The following PTPN22 variants were observed in gnomAD, a reference collection of about 807,000 sequenced individuals.
PTPN22 encodes protein tyrosine phosphatase non-receptor type 22.
In PTPN22, 85 loss-of-function variants were observed where a neutral mutation model predicts 103.3. The observed-to-expected ratio is 0.82, with a 90% confidence interval of 0.69 to 0.99. The LOEUF (loss-of-function observed/expected upper bound fraction) is 0.99, where lower values mean the gene tolerates loss of function less well. Ranked by LOEUF, PTPN22 falls within the 50% of genes least tolerant of loss-of-function variation. The pLI is 0.00. For missense variants in PTPN22, 865 were observed against 936.9 expected (o/e 0.92, Z 1.00); for synonymous variants, 323 against 310.2 (o/e 1.04, Z -0.43).
chr1:113,835,907 T>A (rs1444967514), intron 13 of PTPN22, among the ~76,000 whole-genome samples: 1 of 147,830 alleles, frequency 6.8e-6, no homozygotes, highest in Non-Finnish European at 1.5e-5. Context: ...ATTGTTACAA[T>A]CCCTGAAAAT....
rs1665882636 is a variant in PTPN22, at chr1:113,863,979, C to T, written c.88-4519G>A. ...TGTCATCCAGGCTAGAGTGCAGTGG[C>T]GCGATCTCGGCTCACTGCAACTTTG... On this transcript the variant is annotated intron_variant, in intron 1 of 20. Coordinates refer to ENST00000359785, the Ensembl canonical transcript of PTPN22. Among the ~76,000 whole-genome samples the T allele has an allele frequency of 2.0e-5, 3 of 149,490 alleles. No individual in the cohort carries two copies. In the South Asian group the frequency reaches 6.3e-4, roughly 31 times the overall value.
At chr1:113,869,732 CA>C (rs1666423765) in intron 1 of PTPN22, among the ~76,000 whole-genome samples, 1 of 152,102 alleles carries the variant, frequency 6.6e-6, no homozygotes, top group African/African-American at 2.4e-5. Flanking sequence ...CAAAATAAAA[CA>C]GAGGCCGGCA....
chr1:113,856,259 T>C (rs1665058787), intron 7 of PTPN22, 123 bp downstream of exon 7: 1 of 1,314,916 alleles, frequency 7.6e-7, no homozygotes, highest in Non-Finnish European at 1.0e-6. Context: ...TGAAGACTCA[T>C]TCATGACATC....
In PTPN22 at chr1:113,824,661, T is replaced by G. The variant is rs17031895; in HGVS notation, c.2281+481A>C. Among the ~76,000 whole-genome samples, 433 of 152,214 alleles carry G rather than the reference T, an allele frequency of 2.8e-3. 1 individual carries two copies. The highest frequency in any genetic ancestry group is 9.2e-3 in the African/African-American group (383 of 41,544). ...ATCTGAGGTTAGACTGCTGGAAATT[T>G]TAAATAATCCAATTGTATGACAGCA... On this transcript the variant is annotated intron_variant, in intron 19 of 20. Coordinates refer to ENST00000359785, the Ensembl canonical transcript of PTPN22.
intron 1 of PTPN22, among the ~76,000 whole-genome samples, chr1:113,863,401 T>C (rs1054651913): frequency 4.6e-5 from 7 of 152,230 alleles, no homozygotes; most frequent in African/African-American, 1.4e-4. Context: ...CCAAGAAATG[T>C]GTTTTAAGTG....
intron 19 of PTPN22, among the ~76,000 whole-genome samples, chr1:113,824,340 T>C (rs2101894853): frequency 6.6e-6 from 1 of 152,250 alleles, no homozygotes; most frequent in East Asian, 1.9e-4. Context: ...GACCTTGTGA[T>C]CCACCTGCCT....
chr1:113,829,486 T>C, intron 18 of PTPN22, 106 bp downstream of exon 18: 1 of 594,984 alleles, frequency 1.7e-6, no homozygotes, highest in East Asian at 2.9e-5. Context: ...ACAATTAGTT[T>C]TAATAAAGAT....
rs919063869 is a variant in PTPN22, at chr1:113,838,320, T to A, written c.1080A>T (p.Glu360Asp). Reference sequence around the variant, plus strand: ...AAACTAGCTCTTCTTTTGCACTTATTTCAGAAGTCCTAAAGTCAAAGGAAG... The same window carrying A: ...AAACTAGCTCTTCTTTTGCACTTATATCAGAAGTCCTAAAGTCAAAGGAAG... The change falls in exon 13 of 21, where the codon GAA becomes GAT. Residue 360 changes from glutamate (E) to aspartate (D), a missense_variant. Physicochemically the swap from Glu to Asp is conservative, Grantham distance 45 (BLOSUM62 2). This residue lies in a region of PTPN22 where 457 missense variants were observed against 529.1 expected (regional missense o/e 0.86). Coordinates refer to ENST00000359785, the Ensembl canonical transcript of PTPN22. The A allele has an allele frequency of 3.1e-6, 5 of 1,612,082 alleles. No homozygotes were observed. Among genetic ancestry groups the A allele is most frequent in the Non-Finnish European group, 4.2e-6 (5 of 1,179,252 alleles).
At chr1:113,831,359 G>A (rs1662528134) in intron 16 of PTPN22, among the ~76,000 whole-genome samples, 1 of 152,020 alleles carries the variant, frequency 6.6e-6, no homozygotes, top group Non-Finnish European at 1.5e-5. Context: ...TATCACCCTA[G>A]AAGGAAACTC....
chr1:113,833,488 T>C (rs1370652830), intron 15 of PTPN22, among the ~76,000 whole-genome samples: 2 of 152,212 alleles, frequency 1.3e-5, no homozygotes, highest in Non-Finnish European at 2.9e-5. Flanking sequence ...CTGGGAGTTG[T>C]TAAAGTAAAT....
intron 15 of PTPN22, 135 bp downstream of exon 15, chr1:113,834,174 C>T: frequency 1.0e-6 from 1 of 966,804 alleles, no homozygotes; most frequent in Non-Finnish European, 1.5e-6. Flanking sequence ...TCCTTTTTAT[C>T]CCAACATCCT....
intron 11 of PTPN22, among the ~76,000 whole-genome samples, chr1:113,839,616 G>C (rs1403161018): frequency 6.6e-6 from 1 of 151,992 alleles, no homozygotes; most frequent in East Asian, 1.9e-4. Flanking sequence ...TCATTTCAGA[G>C]ATGTTAAAAT....
At chr1:113,817,610 A>T (rs968286052) in intron 20 of PTPN22, among the ~76,000 whole-genome samples, 4 of 151,076 alleles carry the variant, frequency 2.6e-5, no homozygotes, top group African/African-American at 9.7e-5. Flanking sequence ...GCTAGTTCTA[A>T]AAAAAAAACA....
intron 18 of PTPN22, 128 bp downstream of exon 18, chr1:113,829,462 CTG>C (rs1662362151): frequency 4.1e-6 from 2 of 490,298 alleles, no homozygotes; most frequent in African/African-American, 4.0e-5. Flanking sequence ...TTAATTTTGA[CTG>C]TTATAATATC....
chr1:113,871,596 A>T, exon 1 of PTPN22: 1 of 1,614,028 alleles, frequency 6.2e-7, no homozygotes, highest in Non-Finnish European at 8.5e-7. Context: ...TCATCCAGGA[A>T]CTTCTGCAGA....
intron 4 of PTPN22, 43 bp from the exon 5 acceptor site, chr1:113,857,819 T>A: frequency 2.6e-6 from 4 of 1,542,056 alleles, no homozygotes; most frequent in Non-Finnish European, 3.5e-6. Flanking sequence ...TCATATATAG[T>A]TAGAAAGAGC....
intron 19 of PTPN22, among the ~76,000 whole-genome samples, chr1:113,821,391 G>A (rs542649621): frequency 7.9e-5 from 12 of 151,938 alleles, no homozygotes; most frequent in Admixed American, 3.3e-4. Context: ...GCACAATCTC[G>A]GCTCACCACA....
At chr1:113,838,022 T>A (rs1328419118) in exon 13 of PTPN22, 1 of 1,614,040 alleles carries the variant, frequency 6.2e-7, no homozygotes, top group Non-Finnish European at 8.5e-7. Context: ...ACCTCCTTGG[T>A]TTCTCTCTGC....
At chr1:113,837,245 A>T (rs1663092386) in intron 13 of PTPN22, among the ~76,000 whole-genome samples, 1 of 152,058 alleles carries the variant, frequency 6.6e-6, no homozygotes, top group Admixed American at 6.6e-5. Context: ...AAGTCAAGAG[A>T]TCAAGACCAT....
Sources: allele counts gnomAD v4.1 joint callset (sites outside exome capture counted in the v4.1 genomes callset), GRCh38; gene constraint gnomAD v4.1.1; regional missense constraint gnomAD v4.1.1; transcripts MANE v1.5; gene names NCBI Gene and HGNC (gene_info 2026-07-23, HGNC 2026-07-21).